Variants in SLC25A17 observed in about 807,000 individuals in gnomAD.
The protein encoded by SLC25A17 is peroxisomal membrane protein PMP34.
A neutral mutation model predicts 38.5 loss-of-function variants in SLC25A17; 26 were observed. The ratio of observed to expected loss-of-function variants is 0.68; its 90% CI spans 0.50 to 0.94. The LOEUF (loss-of-function observed/expected upper bound fraction) is 0.94, where lower values mean the gene tolerates loss of function less well. Among genes scored for constraint, SLC25A17 ranks in the 40% least tolerant of loss-of-function variants. The probability of loss-of-function intolerance (pLI) is 0.00; values close to 1 mark genes in which losing one functional copy is unlikely to be tolerated. For missense variants in SLC25A17, 333 were observed against 372.7 expected (o/e 0.89, Z 0.88); for synonymous variants, 139 against 136.2 (o/e 1.02, Z -0.14).
In SLC25A17 at chr22:40,789,901, A is replaced by C. The variant is rs966005172; in HGVS notation, c.334+2624T>G. On this transcript the variant is annotated intron_variant, in intron 4 of 8. Coordinates refer to ENST00000435456, the MANE Select transcript of SLC25A17 (RefSeq NM_006358.4). The surrounding 1 kb of genome is among the most constrained non-coding windows in gnomAD (Gnocchi z 4.5). ...AGTGATCCTCCTGCCTTGACCTCCC[A>C]AACTGCTGGGATTACAGGGGTGAGC... Among the ~76,000 whole-genome samples, 5 of 151,290 alleles carry C rather than the reference A, an allele frequency of 3.3e-5. No individual in the cohort carries two copies. Among genetic ancestry groups the C allele is most frequent in the Admixed American group, 2.0e-4 (3 of 15,186 alleles).
Position 40,770,959 on chromosome 22 carries a change from A to G in SLC25A17, c.799T>C (p.Tyr267His), listed in dbSNP as rs750394278. The G allele has an allele frequency of 1.2e-6, 2 of 1,603,564 alleles. No homozygotes were observed. The highest frequency in any genetic ancestry group is 1.7e-5 in the Admixed American group (1 of 58,894). The change falls in exon 9 of 9, where the codon TAC (tyrosine) becomes CAC (histidine). Residue 267 changes from tyrosine to histidine, a missense_variant. Physicochemically the swap from Tyr to His is moderately conservative, Grantham distance 83 (BLOSUM62 2). Coordinates refer to ENST00000435456, the MANE Select transcript of SLC25A17 (RefSeq NM_006358.4). The part of the protein sequence containing the change: ...RVRRFGIMGL[Y>H]KGLEAKLLQT... ...AGCAGTTTGGCTTCAAGGCCTTTGT[A>G]GAGTCCCATTATTCCAAAACGTCTA... is the stretch of plus-strand genomic sequence containing the variant.
In SLC25A17 at chr22:40,770,757, A is replaced by ACTC; in HGVS notation, c.*76_*77insGAG. 3 of 1,455,416 alleles carry ACTC rather than the reference A, an allele frequency of 2.1e-6. No individual in the cohort carries two copies. The highest frequency in any genetic ancestry group is 2.8e-6 in the Non-Finnish European group (3 of 1,076,738). 90.2% of individuals were successfully genotyped at this position (1,455,416 alleles called of 1,614,324 possible). ...ATTTGTGGTGGCAGGAGCCAGAGTCAAGGGAGAATCACTTCTCTTCACTCA... is the reference window on the plus strand; with the variant it reads ...ATTTGTGGTGGCAGGAGCCAGAGTCACTCAGGGAGAATCACTTCTCTTCACTCA... On this transcript the variant is annotated 3_prime_UTR_variant, in exon 9 of 9. Transcript: ENST00000435456.
At chr22:40,814,790 T>TATA (rs56313372) in intron 1 of SLC25A17, among the ~76,000 whole-genome samples, 1 of 118,948 alleles carries the variant, frequency 8.4e-6, no homozygotes, top group African/African-American at 3.4e-5. Flanking sequence ...TATATATATA[T>TATA]TGTTGTTGTT....
At position 40,797,335 on chromosome 22, in the gene SLC25A17, A is replaced by G. The variant is rs1298177703; in HGVS notation, c.115+1688T>C. On this transcript the variant is annotated intron_variant, in intron 2 of 8. Coordinates refer to ENST00000435456, the MANE Select transcript of SLC25A17 (RefSeq NM_006358.4). ...AGGTTTACAATTTCAACTTGAACAAATCTGAGGAAAAAACAAGCAAGAATC... is the reference window on the plus strand; with the variant it reads ...AGGTTTACAATTTCAACTTGAACAAGTCTGAGGAAAAAACAAGCAAGAATC... The G allele has an allele frequency of 2.3e-6, 3 of 1,300,110 alleles. No homozygotes were observed. The South Asian group carries it at 3.7e-5, about 16-fold the overall frequency. The allele number at this position is 1,300,110 out of a possible 1,614,324, so 80.5% of individuals were successfully genotyped here. A position where few individuals can be genotyped will look rare whatever the true frequency, so the allele number is the denominator to read the frequency against.
intron 4 of SLC25A17, among the ~76,000 whole-genome samples, chr22:40,785,628 G>A (rs1466627182): frequency 1.3e-5 from 2 of 152,114 alleles, no homozygotes; most frequent in African/African-American, 2.4e-5. Flanking sequence ...GCAGGACAAG[G>A]TAAGGACTTT....
intron 2 of SLC25A17, among the ~76,000 whole-genome samples, chr22:40,797,037 T>C (rs898521569): frequency 2.6e-5 from 4 of 152,194 alleles, no homozygotes; most frequent in Non-Finnish European, 4.4e-5. Flanking sequence ...TATATTCTTA[T>C]TCGCTTGTTA....
rs920927976 is a variant in SLC25A17, at chr22:40,778,867, A to T, written c.451+142T>A. On this transcript the variant is annotated intron_variant, in intron 5 of 8. Transcript: ENST00000435456. ...ATATCCAGAATCAACAAAGAACTTAAACAAATTTACAAGAAAAAAAATCAA... is the reference window on the plus strand; with the variant it reads ...ATATCCAGAATCAACAAAGAACTTATACAAATTTACAAGAAAAAAAATCAA... The T allele has an allele frequency of 1.6e-4, 112 of 685,432 alleles. No individual in the cohort carries two copies. In the South Asian group the frequency reaches 2.1e-3, roughly 13 times the overall value. The allele number at this position is 685,432 out of a possible 1,614,324, so 42.5% of individuals were successfully genotyped here. A position where few individuals can be genotyped will look rare whatever the true frequency, so the allele number is the denominator to read the frequency against.
intron 2 of SLC25A17, among the ~76,000 whole-genome samples, chr22:40,797,801 G>A (rs551872526): frequency 6.6e-6 from 1 of 152,230 alleles, no homozygotes; most frequent in Non-Finnish European, 1.5e-5. Flanking sequence ...CTGGGGTGGA[G>A]GCCGAGGTGC....
rs769900799 is a variant in SLC25A17 at position 40,819,280 on chromosome 22, T to C, written c.-32A>G. ...GGCTCCTCGAAGACCCAGCCACACT[T>C]TTCCCACAGATGCCGCAGCCAGTGG... On this transcript the variant is annotated 5_prime_UTR_variant, in exon 1 of 9. Transcript: ENST00000435456. The C allele has an allele frequency of 1.2e-6, 2 of 1,612,554 alleles. No individual in the cohort carries two copies. Among genetic ancestry groups the C allele is most frequent in the Admixed American group, 3.3e-5 (2 of 59,992 alleles).
intron 3 of SLC25A17, among the ~76,000 whole-genome samples, chr22:40,794,302 T>A (rs1269000714): frequency 3.9e-5 from 6 of 152,122 alleles, no homozygotes; most frequent in African/African-American, 1.2e-4. Context: ...TGGCTTAAGG[T>A]AAGCATTGTA....
chr22:40,775,436 GTTTTTTTTTTTTTT>G (rs71200615), intron 7 of SLC25A17, among the ~76,000 whole-genome samples: 33 of 86,850 alleles, frequency 3.8e-4, no homozygotes, highest in Admixed American at 1.5e-3. Context: ...AGATCTGATG[GTTTTTTTTTTTTTT>G]TTTTTTTTTT....
chr22:40,819,172 C>G, intron 1 of SLC25A17, 23 bp downstream of exon 1: 6 of 1,613,296 alleles, frequency 3.7e-6, no homozygotes, highest in Non-Finnish European at 5.1e-6. Context: ...CGTTGCGGCC[C>G]GGGCGTAAAG....
chr22:40,796,844 A>T (rs1244830859), intron 2 of SLC25A17, among the ~76,000 whole-genome samples: 3 of 152,188 alleles, frequency 2.0e-5, no homozygotes, highest in Non-Finnish European at 4.4e-5. Context: ...GTGCATTCAC[A>T]CCATGGAATG....
intron 1 of SLC25A17, among the ~76,000 whole-genome samples, chr22:40,808,308 T>C (rs1385078259): frequency 4.6e-5 from 7 of 152,196 alleles, no homozygotes; most frequent in Non-Finnish European, 1.0e-4. Flanking sequence ...TCCTACACTA[T>C]ATTGGCACTT....
At chr22:40,775,139 T>C (rs1217353214) in intron 7 of SLC25A17, among the ~76,000 whole-genome samples, 1 of 152,206 alleles carries the variant, frequency 6.6e-6, no homozygotes, top group African/African-American at 2.4e-5. Flanking sequence ...CCATCACATA[T>C]TCTCAGCTTA....
Position 40,775,436 on chromosome 22 carries a change from G to GTTTTTTTTTT in SLC25A17, c.694-1427_694-1418dup, listed in dbSNP as rs71200615. On this transcript the variant is annotated intron_variant, in intron 7 of 8. Transcript: ENST00000435456. ...TGAATAAGTCTCATGAGATCTGATG[G>GTTTTTTTTTT]TTTTTTTTTTTTTTTTTTTTTTTTT... Among the ~76,000 whole-genome samples the GTTTTTTTTTT allele has an allele frequency of 1.7e-4, 15 of 86,846 alleles. 2 individuals carry two copies. The highest frequency in any genetic ancestry group is 4.1e-4 in the South Asian group (1 of 2,452). The allele number at this position is 86,846 out of a possible 152,430, so 57.0% of individuals were successfully genotyped here.
At chr22:40,805,026 G>A (rs1326152609) in intron 1 of SLC25A17, among the ~76,000 whole-genome samples, 1 of 152,138 alleles carries the variant, frequency 6.6e-6, no homozygotes, top group African/African-American at 2.4e-5. Context: ...AAATGGTTAA[G>A]TACTGCTGTT....
Position 40,819,324 on chromosome 22 carries a change from G to T in SLC25A17, c.-76C>A. On this transcript the variant is annotated 5_prime_UTR_variant, in exon 1 of 9. Coordinates refer to ENST00000435456, the MANE Select transcript of SLC25A17 (RefSeq NM_006358.4). ...CCAGTGGAGTTAGGAAAGGAGCACC[G>T]GAGCTCAGGGTGTGAGAGTCGCAAT... 2.0e-6 allele frequency: 3 copies of T among 1,527,550 alleles called. No homozygotes were observed. The highest frequency in any genetic ancestry group is 1.7e-5 in the Admixed American group (1 of 58,708). The allele number at this position is 1,527,550 out of a possible 1,614,324, so 94.6% of individuals were successfully genotyped here. A position where few individuals can be genotyped will look rare whatever the true frequency, so the allele number is the denominator to read the frequency against.
At position 40,819,182 on chromosome 22, in the gene SLC25A17, G is replaced by C. The variant is rs753596488; in HGVS notation, c.54+13C>G. On this transcript the variant is annotated intron_variant, in intron 1 of 8. Coordinates refer to ENST00000435456, the MANE Select transcript of SLC25A17 (RefSeq NM_006358.4). The stretch of plus-strand genomic sequence containing the variant: ...TAACCCGTTGCGGCCCGGGCGTAAA[G>C]ACCCCGTCTCACCACGGCTCCGGCC... The C allele has an allele frequency of 6.2e-7, 1 of 1,613,498 alleles. No homozygotes were observed. The highest frequency in any genetic ancestry group is 8.5e-7 in the Non-Finnish European group (1 of 1,179,952).
Sources: allele counts gnomAD v4.1 joint callset (sites outside exome capture counted in the v4.1 genomes callset), GRCh38; gene constraint gnomAD v4.1.1; non-coding constraint Gnocchi (gnomAD v3.1); transcripts MANE v1.5; gene names NCBI Gene and HGNC (gene_info 2026-07-23, HGNC 2026-07-21).